The following ANO4 variants were observed in gnomAD, a reference collection of about 807,000 sequenced individuals.
ANO4 encodes the protein anoctamin 4, also known as anoctamin-4.
A neutral mutation model predicts 141.9 loss-of-function variants in ANO4; 69 were observed. The ratio of observed to expected loss-of-function variants is 0.49; its 90% CI spans 0.40 to 0.59. The LOEUF is 0.59. Ranked by LOEUF, ANO4 falls within the 20% of genes least tolerant of loss-of-function variation. The pLI is 0.00. For missense variants in ANO4, 894 were observed against 1,162.2 expected, an observed-to-expected ratio of 0.77 and a Z score of 3.36; for synonymous variants, 350 against 394.3, an observed-to-expected ratio of 0.89 and a Z score of 1.33.
intron 1 of ANO4, among the ~76,000 whole-genome samples, chr12:100,854,531 C>T (rs1014884277): frequency 6.6e-6 from 1 of 152,036 alleles, no homozygotes; most frequent in Admixed American, 6.6e-5. Context: ...CTTAATGAAT[C>T]TTTCATATTT....
At chr12:100,856,093 C>G (rs1454744457) in intron 1 of ANO4, among the ~76,000 whole-genome samples, 1 of 152,096 alleles carries the variant, frequency 6.6e-6, no homozygotes, top group African/African-American at 2.4e-5. Flanking sequence ...ATGAAAAAGT[C>G]TACAGTGCAT....
intron 1 of ANO4, among the ~76,000 whole-genome samples, chr12:100,863,420 C>T (rs2038586472): frequency 6.6e-6 from 1 of 152,156 alleles, no homozygotes; most frequent in African/African-American, 2.4e-5. Context: ...CAAGTGTTAA[C>T]TCTAACTAGG....
intron 2 of ANO4, among the ~76,000 whole-genome samples, chr12:100,904,969 T>C (rs912225827): frequency 9.2e-5 from 14 of 152,094 alleles, no homozygotes; most frequent in African/African-American, 3.4e-4. Context: ...TCCTAATGGA[T>C]TGGATGTAGG....
intron 1 of ANO4, among the ~76,000 whole-genome samples, chr12:100,889,647 A>C (rs868315841): frequency 3.4e-4 from 52 of 152,248 alleles, no homozygotes; most frequent in Admixed American, 2.4e-3. Context: ...AATGCTCATC[A>C]TCACTGGCCA....
intron 1 of ANO4, among the ~76,000 whole-genome samples, chr12:100,870,360 C>T (rs992943724): frequency 2.6e-5 from 4 of 152,034 alleles, no homozygotes; most frequent in Non-Finnish European, 5.9e-5. Flanking sequence ...TTTAGTTATC[C>T]TTATCATATT....
At chr12:100,769,313 C>G (rs760256635) in intron 3 of ANO4, among the ~76,000 whole-genome samples, 2 of 152,146 alleles carry the variant, frequency 1.3e-5, no homozygotes, top group Non-Finnish European at 2.9e-5. Flanking sequence ...GATCCGAACT[C>G]TTAATAAATA....
chr12:100,862,529 C>T (rs1322624675), intron 1 of ANO4, among the ~76,000 whole-genome samples: 2 of 152,066 alleles, frequency 1.3e-5, no homozygotes, highest in Non-Finnish European at 2.9e-5. Context: ...GCCATGTTGA[C>T]CAGGCTGGTC....
At chr12:100,819,787 C>G (rs1467281003) in intron 1 of ANO4, among the ~76,000 whole-genome samples, 1 of 151,912 alleles carries the variant, frequency 6.6e-6, no homozygotes, top group Admixed American at 6.6e-5. Context: ...GCATGCGAGA[C>G]TTGAGATGGC....
intron 3 of ANO4, among the ~76,000 whole-genome samples, chr12:100,787,363 A>G (rs2033906639): frequency 6.6e-6 from 1 of 152,200 alleles, no homozygotes; most frequent in Non-Finnish European, 1.5e-5. Flanking sequence ...GAAGTTTTCA[A>G]CAGCTTGGTG....
chr12:100,996,435 A>G (rs1283438728), intron 8 of ANO4, among the ~76,000 whole-genome samples: 1 of 152,244 alleles, frequency 6.6e-6, no homozygotes, highest in Non-Finnish European at 1.5e-5. Context: ...CTGTAATCCC[A>G]GCACTTTGGG....
At chr12:100,955,978 G>A (rs2043159260) in intron 5 of ANO4, among the ~76,000 whole-genome samples, 1 of 152,138 alleles carries the variant, frequency 6.6e-6, no homozygotes, top group Non-Finnish European at 1.5e-5. Flanking sequence ...ACAGTGCCTG[G>A]CTCATCATGT....
intron 25 of ANO4, among the ~76,000 whole-genome samples, chr12:101,120,273 T>C (rs1306989233): frequency 2.6e-5 from 4 of 152,168 alleles, no homozygotes; most frequent in Non-Finnish European, 5.9e-5. Flanking sequence ...CAGGTCTGGC[T>C]CATCTTTTGA....
chr12:101,096,980 G>A (rs761366637), intron 19 of ANO4, among the ~76,000 whole-genome samples: 6 of 152,134 alleles, frequency 3.9e-5, no homozygotes, highest in South Asian at 2.1e-4. Flanking sequence ...GTGGTACAAC[G>A]GGGAGGGGGC....
chr12:101,124,757 G>A (rs2051238451), intron 26 of ANO4, among the ~76,000 whole-genome samples: 1 of 152,064 alleles, frequency 6.6e-6, no homozygotes. Context: ...TTTTTGTCAG[G>A]TTTTTCAAAG....
At chr12:100,941,215 TAAA>T (rs909254191) in intron 4 of ANO4, among the ~76,000 whole-genome samples, 1 of 141,112 alleles carries the variant, frequency 7.1e-6, no homozygotes, top group Admixed American at 7.1e-5. Flanking sequence ...TTGTTGTGGG[TAAA>T]AAAAAAAAAG....
intron 3 of ANO4, among the ~76,000 whole-genome samples, chr12:100,931,376 C>T (rs2042082837): frequency 6.6e-6 from 1 of 152,132 alleles, no homozygotes; most frequent in African/African-American, 2.4e-5. Context: ...AAGATAATTG[C>T]TTGGTGGTTA....
intron 3 of ANO4, among the ~76,000 whole-genome samples, chr12:100,781,724 C>T (rs1264617764): frequency 1.3e-5 from 2 of 152,134 alleles, no homozygotes; most frequent in Admixed American, 1.3e-4. Context: ...CTACATAGGG[C>T]TCCTTTCATT....
At chr12:100,741,440 C>T (rs993798039) in intron 3 of ANO4, among the ~76,000 whole-genome samples, 7 of 152,080 alleles carry the variant, frequency 4.6e-5, no homozygotes, top group African/African-American at 1.4e-4. Context: ...TGGGTCTTAC[C>T]CCAGGGGATG....
chr12:100,906,769 A>T (rs79862921), intron 2 of ANO4, among the ~76,000 whole-genome samples: 3,054 of 152,258 alleles, frequency 0.02, 48 homozygotes, highest in Non-Finnish European at 0.028. Context: ...TTCAAGGCTG[A>T]AGGTGTTTGG....
Sources: allele counts gnomAD v4.1 joint callset (sites outside exome capture counted in the v4.1 genomes callset), GRCh38; gene constraint gnomAD v4.1.1; transcripts MANE v1.5; gene names NCBI Gene and HGNC (gene_info 2026-07-23, HGNC 2026-07-21).